The following OSBPL10 variants were observed in gnomAD, a reference collection of about 807,000 sequenced individuals.
The protein encoded by OSBPL10 is oxysterol-binding protein-related protein 10.
OSBPL10 carries 49 observed loss-of-function variants against 81.7 expected under a neutral mutation model. That is an observed-to-expected ratio of 0.60 (90% CI 0.48 to 0.76). The LOEUF is 0.76. Ranked by LOEUF, OSBPL10 falls within the 30% of genes least tolerant of loss-of-function variation. OSBPL10 has a pLI of 0.00. For synonymous variants in OSBPL10, 419 were observed against 383.6 expected, an observed-to-expected ratio of 1.09 and a Z score of -1.08; for missense variants, 923 against 987.8, an observed-to-expected ratio of 0.93 and a Z score of 0.88.
exon 2 of OSBPL10, chr3:32,046,567 A>G (rs1169272455): frequency 6.6e-6 from 1 of 152,252 alleles, no homozygotes; most frequent in East Asian, 1.9e-4. Context: ...TTTCTGCTGC[A>G]GCAGCCAGAT....
intron 1 of OSBPL10, among the ~76,000 whole-genome samples, chr3:31,908,009 CCTGT>C (rs1414900559): frequency 6.6e-6 from 1 of 152,092 alleles, no homozygotes; most frequent in East Asian, 1.9e-4. Context: ...TCAGGGAAGG[CCTGT>C]CTGTAAGGTG....
intron 3 of OSBPL10, among the ~76,000 whole-genome samples, chr3:31,871,466 G>A (rs950165463): frequency 6.6e-6 from 1 of 152,106 alleles, no homozygotes; most frequent in Admixed American, 6.5e-5. Flanking sequence ...TCACCGCAAG[G>A]GTCCACGGCT....
rs896159153 is a variant in OSBPL10 at position 32,069,977 on chromosome 3, C to T, written n.185+7419G>A. Among the ~76,000 whole-genome samples, 7 of 152,306 alleles carry T rather than the reference C, an allele frequency of 4.6e-5. No homozygotes were observed. The East Asian group carries it at 5.8e-4, about 13-fold the overall frequency. On this transcript the variant is annotated intron_variant and non_coding_transcript_variant, in intron 1 of 3. Coordinates refer to the OSBPL10 transcript ENST00000479173. ...GGTCCCCACTGGAGGTTGGACTCTCCGACTCACATCGCCGCTGCTTCTAAA... is the reference window on the plus strand; with the variant it reads ...GGTCCCCACTGGAGGTTGGACTCTCTGACTCACATCGCCGCTGCTTCTAAA...
intron 9 of OSBPL10, among the ~76,000 whole-genome samples, chr3:31,670,036 C>T (rs115446195): frequency 0.014 from 2,097 of 152,324 alleles, 18 homozygotes; most frequent in Admixed American, 0.02. Context: ...TGGTGCCCAT[C>T]ATGGCTGATT....
chr3:31,709,053 C>T (rs1006486674), intron 6 of OSBPL10: 2 of 985,064 alleles, frequency 2.0e-6, no homozygotes, highest in East Asian at 2.3e-4. Flanking sequence ...CCTTATCTTG[C>T]CATTTGGAGG....
chr3:31,855,739 A>G (rs1177297697), intron 3 of OSBPL10, among the ~76,000 whole-genome samples: 1 of 152,104 alleles, frequency 6.6e-6, no homozygotes, highest in Non-Finnish European at 1.5e-5. Context: ...TGTTAGCAAA[A>G]CAGGGACCAG....
At chr3:31,861,258 C>A (rs910412334) in intron 3 of OSBPL10, among the ~76,000 whole-genome samples, 2 of 151,962 alleles carry the variant, frequency 1.3e-5, no homozygotes, top group African/African-American at 2.4e-5. Flanking sequence ...GTTCCATGAC[C>A]CTTCTAAGAC....
chr3:31,862,518 G>A (rs1338526276), intron 3 of OSBPL10, among the ~76,000 whole-genome samples: 1 of 151,818 alleles, frequency 6.6e-6, no homozygotes, highest in African/African-American at 2.4e-5. Flanking sequence ...AAAAGAATGG[G>A]AGCTAATACT....
At chr3:31,750,050 C>T (rs754877514) in intron 4 of OSBPL10, among the ~76,000 whole-genome samples, 2 of 149,894 alleles carry the variant, frequency 1.3e-5, no homozygotes, top group African/African-American at 4.9e-5. Flanking sequence ...GGTGTGATGG[C>T]GGGCACCTGT....
chr3:31,944,623 A>C (rs955903021), intron 1 of OSBPL10, among the ~76,000 whole-genome samples: 2 of 151,410 alleles, frequency 1.3e-5, no homozygotes, highest in Admixed American at 1.3e-4. Context: ...GAATAGACTA[A>C]GGACAACTCT....
intron 4 of OSBPL10, among the ~76,000 whole-genome samples, chr3:31,764,325 C>T (rs561509947): frequency 6.6e-6 from 1 of 152,348 alleles, no homozygotes; most frequent in South Asian, 2.1e-4. Flanking sequence ...AATTAATTCA[C>T]TGCCAAACTC....
At position 32,060,593 on chromosome 3, in the gene OSBPL10, C is replaced by G. The variant is rs1490468201; in HGVS notation, n.186-13990G>C. Among the ~76,000 whole-genome samples the G allele has an allele frequency of 9.0e-5, 3 of 33,274 alleles. 1 individual carries two copies. The highest frequency in any genetic ancestry group is 3.1e-4 in the Non-Finnish European group (2 of 6,428). 21.8% of individuals were successfully genotyped at this position (33,274 alleles called of 152,430 possible). On this transcript the variant is annotated intron_variant and non_coding_transcript_variant, in intron 1 of 3. Transcript: ENST00000479173. ...ATCTCCAATTGTCTCCAAGCATTCT[C>G]TTCCATTGCAGCCAGAATTAAGTTC... is the stretch of plus-strand genomic sequence containing the variant.
rs1256588472 is a variant in OSBPL10, at chr3:31,876,355, TC to T, written c.537+77del. The T allele has an allele frequency of 3.2e-6, 4 of 1,249,836 alleles. No homozygotes were observed. In the East Asian group the frequency reaches 9.3e-5, roughly 29 times the overall value. 77.4% of individuals were successfully genotyped at this position (1,249,836 alleles called of 1,614,324 possible). A position where few individuals can be genotyped will look rare whatever the true frequency, so the allele number is the denominator to read the frequency against. Reference sequence around the variant, plus strand: ...TTAAAAAATAACATGAAAAACACCTTCCCCGAAGAAACAAATAATGGGGCTG... The same window carrying T: ...TTAAAAAATAACATGAAAAACACCTTCCCGAAGAAACAAATAATGGGGCTG... On this transcript the variant is annotated intron_variant, in intron 3 of 11. Transcript: ENST00000396556.
At position 31,765,249 on chromosome 3, in the gene OSBPL10, G is replaced by T. The variant is rs1442718244; in HGVS notation, c.730-17129C>A. Among the ~76,000 whole-genome samples, 6 of 151,804 alleles carry T rather than the reference G, an allele frequency of 4.0e-5. No individual in the cohort carries two copies. In the East Asian group the frequency reaches 1.2e-3, roughly 29 times the overall value. ...GACATGATTTCACCACGTTATCCAGGCTGGTCTAGAACCCCTGAGCAAGTG... is the reference window on the plus strand; with the variant it reads ...GACATGATTTCACCACGTTATCCAGTCTGGTCTAGAACCCCTGAGCAAGTG... On this transcript the variant is annotated intron_variant, in intron 4 of 11. Transcript: ENST00000396556.
intron 5 of OSBPL10, among the ~76,000 whole-genome samples, chr3:31,736,277 G>A (rs1336829965): frequency 2.0e-5 from 3 of 152,142 alleles, no homozygotes; most frequent in Non-Finnish European, 4.4e-5. Context: ...TGGTCAGGAT[G>A]ATGCATTTTA....
chr3:31,992,100 C>A (rs1446022862), intron 2 of OSBPL10, among the ~76,000 whole-genome samples: 1 of 149,626 alleles, frequency 6.7e-6, no homozygotes, highest in East Asian at 2.0e-4. Flanking sequence ...GAGCCAGGAT[C>A]GCCCCACTGC....
intron 1 of OSBPL10, among the ~76,000 whole-genome samples, chr3:31,931,555 T>TACAGA (rs1697251260): frequency 6.6e-6 from 1 of 152,204 alleles, no homozygotes; most frequent in Admixed American, 6.5e-5. Flanking sequence ...GCTGACTGCT[T>TACAGA]ACAGAATGCC....
At chr3:32,076,490 C>T (rs545039172) in intron 1 of OSBPL10, among the ~76,000 whole-genome samples, 5 of 152,200 alleles carry the variant, frequency 3.3e-5, no homozygotes, top group South Asian at 2.1e-4. Flanking sequence ...TCTCTTCACA[C>T]GGACACGCGT....
chr3:31,895,398 A>G (rs1225179991), intron 1 of OSBPL10, among the ~76,000 whole-genome samples: 2 of 151,818 alleles, frequency 1.3e-5, no homozygotes. Flanking sequence ...CAGCCTCCCA[A>G]AGTGCTGGGA....
Sources: allele counts gnomAD v4.1 joint callset (sites outside exome capture counted in the v4.1 genomes callset), GRCh38; gene constraint gnomAD v4.1.1; transcripts MANE v1.5; gene names NCBI Gene and HGNC (gene_info 2026-07-23, HGNC 2026-07-21).